BIRC6: variants seen among roughly 807,000 people sequenced by gnomAD.
The protein encoded by BIRC6 is dual E2 ubiquitin-conjugating enzyme/E3 ubiquitin-protein ligase BIRC6.
A neutral mutation model predicts 503.3 loss-of-function variants in BIRC6; 98 were observed. The observed-to-expected ratio is 0.19, with a 90% CI of 0.17 to 0.23. BIRC6 has a LOEUF of 0.23. Among genes scored for constraint, BIRC6 ranks in the 10% least tolerant of loss-of-function variants. BIRC6 has a pLI of 1.00. For synonymous variants in BIRC6, 2,240 were observed against 2,078.7 expected (o/e 1.08, Z -2.11); for missense variants, 5,360 against 5,806.0 (o/e 0.92, Z 2.50).
chr2:32,358,950 A>G (rs2033627335), intron 1 of BIRC6, among the ~76,000 whole-genome samples: 1 of 152,160 alleles, frequency 6.6e-6, no homozygotes, highest in African/African-American at 2.4e-5. Flanking sequence ...TGGTAATTGG[A>G]TGTCTTTCTT....
At chr2:32,527,125 A>G (rs1205301564) in intron 59 of BIRC6, 1 of 152,244 alleles carries the variant, frequency 6.6e-6, no homozygotes, top group Non-Finnish European at 1.5e-5. Flanking sequence ...ATGCTCTGAT[A>G]GGCAAAACCT....
Position 32,357,563 on chromosome 2 carries a change from C to G in BIRC6, c.325+77C>G. On this transcript the variant is annotated intron_variant, in intron 1 of 73. Transcript: ENST00000421745. This position sits in a 1 kb window ranked among gnomAD's most constrained non-coding sequence, Gnocchi z 4.9. ...AGCCCCGGGGCTCGGCCTCGCGACTCGGGGAAGCGAGATGGCGAGAGGGCA... is the reference window on the plus strand; with the variant it reads ...AGCCCCGGGGCTCGGCCTCGCGACTGGGGGAAGCGAGATGGCGAGAGGGCA... 6.7e-7 allele frequency: 1 copy of G among 1,500,006 alleles called. No individual in the cohort carries two copies. The highest frequency in any genetic ancestry group is 1.3e-5 in the South Asian group (1 of 79,936). The allele number at this position is 1,500,006 out of a possible 1,614,324, so 92.9% of individuals were successfully genotyped here.
At chr2:32,529,597 C>A in intron 59 of BIRC6, 54 bp from the exon 60 acceptor site, 3 of 1,397,208 alleles carry the variant, frequency 2.1e-6, no homozygotes, top group Non-Finnish European at 2.9e-6. Context: ...ATAATTAAAC[C>A]AAGTAAATGT....
In BIRC6 at chr2:32,515,294, C is replaced by G; in HGVS notation, c.10873C>G (p.Gln3625Glu). The G allele has an allele frequency of 6.2e-7, 1 of 1,613,894 alleles. No individual in the cohort carries two copies. ...TTCTCAATCTCCTGAAGCTATTAAA[C>G]AATTACTAGACTCAGGTTTGCCTTC... ...SSSQSPEAIK[Q>E]LLDSGLPSLL... The change falls in exon 55 of 74, where the codon CAA becomes GAA. Residue 3625 changes from glutamine (Q) to glutamate (E), a missense_variant. Gln to Glu is a conservative substitution (Grantham distance 29, BLOSUM62 2). This residue lies in a region of BIRC6 where 878 missense variants were observed against 928.9 expected (regional missense o/e 0.95). Transcript: ENST00000421745.
intron 3 of BIRC6, among the ~76,000 whole-genome samples, chr2:32,388,321 G>A (rs545290402): frequency 2.0e-5 from 3 of 150,996 alleles, no homozygotes; most frequent in Non-Finnish European, 4.4e-5. Context: ...GGCAGAGGTT[G>A]CAGTGAGCCG....
chr2:32,484,603 T>C (rs1427016610), intron 39 of BIRC6, among the ~76,000 whole-genome samples: 1 of 152,104 alleles, frequency 6.6e-6, no homozygotes, highest in African/African-American at 2.4e-5. Context: ...AATAGTTTAT[T>C]CGTTCAGTTT....
At chr2:32,373,699 A>G (rs116790844) in intron 1 of BIRC6, among the ~76,000 whole-genome samples, 1,902 of 152,296 alleles carry the variant, frequency 0.012, 35 homozygotes, top group African/African-American at 0.043. Flanking sequence ...AAATTAAGGA[A>G]AAAATAGAAT....
chr2:32,409,151 T>G (rs897061592), intron 9 of BIRC6, among the ~76,000 whole-genome samples: 3 of 150,878 alleles, frequency 2.0e-5, no homozygotes, highest in Admixed American at 6.6e-5. Context: ...TTATTTTCTG[T>G]TTTTTTTTGT....
At chr2:32,459,046 C>A (rs1007316143) in intron 23 of BIRC6, among the ~76,000 whole-genome samples, 1 of 152,004 alleles carries the variant, frequency 6.6e-6, no homozygotes, top group Non-Finnish European at 1.5e-5. Flanking sequence ...TAAAAATCTA[C>A]CAACGTTCTT....
At chr2:32,375,577 A>G (rs2036628578) in intron 1 of BIRC6, among the ~76,000 whole-genome samples, 1 of 151,258 alleles carries the variant, frequency 6.6e-6, no homozygotes, top group Non-Finnish European at 1.5e-5. Flanking sequence ...ATGAGCCACC[A>G]TGCCAGGCCG....
At chr2:32,584,368 G>GA in intron 66 of BIRC6, among the ~76,000 whole-genome samples, 1 of 151,900 alleles carries the variant, frequency 6.6e-6, no homozygotes, top group East Asian at 1.9e-4. Context: ...CATCTCTACT[G>GA]AAAATACAAA....
chr2:32,475,883 T>C (rs1340602628), intron 33 of BIRC6, among the ~76,000 whole-genome samples: 1 of 152,174 alleles, frequency 6.6e-6, no homozygotes, highest in East Asian at 1.9e-4. Context: ...AGCAATAAAA[T>C]ATTTTTCTCA....
chr2:32,444,563 A>G (rs1274009743), intron 20 of BIRC6, among the ~76,000 whole-genome samples: 1 of 152,162 alleles, frequency 6.6e-6, no homozygotes, highest in Admixed American at 6.5e-5. Flanking sequence ...TTATTGATAG[A>G]CATTTTTCAC....
rs529070247 is a variant in BIRC6 at position 32,489,666 on chromosome 2, C to T, written c.8096-375C>T. Among the ~76,000 whole-genome samples the T allele has an allele frequency of 1.1e-4, 16 of 152,076 alleles. No individual in the cohort carries two copies. In the South Asian group the frequency reaches 1.7e-3, roughly 16 times the overall value. On this transcript the variant is annotated intron_variant, in intron 42 of 73. Transcript: ENST00000421745. ...TACAAAAATTAGCCGGCTGTGTTGA[C>T]GCATGCCTATAATACCAGTTTTTCC...
intron 1 of BIRC6, among the ~76,000 whole-genome samples, chr2:32,361,668 C>T (rs981753798): frequency 2.6e-5 from 4 of 152,150 alleles, no homozygotes; most frequent in Admixed American, 2.6e-4. Context: ...CCTGCTCTGC[C>T]TATTCATCCT....
In BIRC6 at chr2:32,515,687, C is replaced by T. The variant is rs367790330; in HGVS notation, c.11266C>T (p.Arg3756Cys). 53 of 1,605,838 alleles carry T rather than the reference C, an allele frequency of 3.3e-5. 1 individual carries two copies. Among genetic ancestry groups the T allele is most frequent in the Middle Eastern group, 1.7e-4 (1 of 6,060 alleles). ...TACAACAGGACTGACTACTCAACAG[C>T]GCACAGCAATTGAGAATGCAACTGT... ...AATTGLTTQQRTAIENATVAF... is the reference protein window; with the variant it reads ...AATTGLTTQQCTAIENATVAF... The change falls in exon 55 of 74, where the codon CGC (arginine) becomes TGC (cysteine). Residue 3756 changes from arginine (R) to cysteine (C), a missense_variant. This residue lies in a region of BIRC6 where 878 missense variants were observed against 928.9 expected (regional missense o/e 0.95). Transcript: ENST00000421745.
At chr2:32,572,422 T>C (rs1034500576) in intron 65 of BIRC6, among the ~76,000 whole-genome samples, 5 of 152,214 alleles carry the variant, frequency 3.3e-5, no homozygotes, top group Non-Finnish European at 5.9e-5. Flanking sequence ...CAGTATTGTA[T>C]TGAACATTTC....
chr2:32,576,190 C>G (rs2754522), intron 66 of BIRC6, among the ~76,000 whole-genome samples: 98,287 of 152,056 alleles, frequency 0.65, 32,196 homozygotes, highest in African/African-American at 0.69. Context: ...AAGTATAATT[C>G]TTAGGTTTAT....
At chr2:32,391,670 C>G (rs1038856845) in intron 4 of BIRC6, among the ~76,000 whole-genome samples, 1 of 152,108 alleles carries the variant, frequency 6.6e-6, no homozygotes, top group African/African-American at 2.4e-5. Flanking sequence ...CTTATCAATC[C>G]TTTCTTACTA....
Sources: gnomAD v4.1 joint callset for allele counts (sites outside exome capture counted in the v4.1 genomes callset) on GRCh38, gnomAD v4.1.1 for gene constraint, gnomAD v4.1.1 regional missense constraint, Gnocchi (gnomAD v3.1) non-coding constraint, MANE v1.5 for transcripts, NCBI Gene and HGNC (gene_info 2026-07-23, HGNC 2026-07-21) for gene names.